The following GALNT13 variants were observed in gnomAD, a reference collection of about 807,000 sequenced individuals.
GALNT13 encodes the protein polypeptide N-acetylgalactosaminyltransferase 13.
In GALNT13, 28 loss-of-function variants were observed where a neutral mutation model predicts 64.2. The observed-to-expected ratio is 0.44, with a 90% CI of 0.32 to 0.60. The LOEUF is 0.60. Ranked by LOEUF, GALNT13 falls within the 20% of genes least tolerant of loss-of-function variation. The probability of loss-of-function intolerance (pLI) is 0.05; values close to 1 mark genes in which losing one functional copy is unlikely to be tolerated. For synonymous variants in GALNT13, 214 were observed against 224.6 expected (o/e 0.95, Z 0.42); for missense variants, 577 against 669.8 (o/e 0.86, Z 1.53).
upstream of GALNT13, among the ~76,000 whole-genome samples, chr2:153,871,010 G>T (rs1685889468): frequency 6.6e-6 from 1 of 152,078 alleles, no homozygotes; most frequent in Non-Finnish European, 1.5e-5. Flanking sequence ...CTCTCCCATG[G>T]CAGTGGGGGA....
At chr2:153,142,978 A>G in the GALNT13 span, among the ~76,000 whole-genome samples, 2 of 151,990 alleles carry the variant, frequency 1.3e-5, no homozygotes, top group South Asian at 4.1e-4. Context: ...ATATACTGCC[A>G]GTTGGTGAAA....
At chr2:153,770,382 G>A in the GALNT13 span, among the ~76,000 whole-genome samples, 1 of 152,114 alleles carries the variant, frequency 6.6e-6, no homozygotes, top group African/African-American at 2.4e-5. Flanking sequence ...CCCTTTCATA[G>A]TGCCTTTTCT....
chr2:154,364,104 G>A (rs1310045788), intron 9 of GALNT13, among the ~76,000 whole-genome samples: 1 of 152,104 alleles, frequency 6.6e-6, no homozygotes, highest in African/African-American at 2.4e-5. Flanking sequence ...AGATACTGTT[G>A]TATTATCCTT....
chr2:154,039,997 CTG>C (rs1273955637), intron 3 of GALNT13, among the ~76,000 whole-genome samples: 2 of 139,494 alleles, frequency 1.4e-5, no homozygotes, highest in Non-Finnish European at 3.3e-5. Flanking sequence ...TGTTGACAAA[CTG>C]TGTTTTTTAA....
intron 10 of GALNT13, among the ~76,000 whole-genome samples, chr2:154,398,943 A>G (rs1699176427): frequency 6.6e-6 from 1 of 152,202 alleles, no homozygotes; most frequent in South Asian, 2.1e-4. Context: ...CAGGGTTAAT[A>G]AGGAAACTGA....
At chr2:153,403,723 CGGAA>C in the GALNT13 span, among the ~76,000 whole-genome samples, 3 of 152,082 alleles carry the variant, frequency 2.0e-5, no homozygotes, top group African/African-American at 7.2e-5. Flanking sequence ...TTTTTTGACT[CGGAA>C]AGGGAACTCC....
intron 8 of GALNT13, among the ~76,000 whole-genome samples, chr2:154,262,378 T>C (rs565052961): frequency 6.6e-6 from 1 of 152,308 alleles, no homozygotes; most frequent in South Asian, 2.1e-4. Flanking sequence ...TCCTCCACAA[T>C]TCTGAGATGC....
chr2:153,460,122 GATCTTT>G, the GALNT13 span, among the ~76,000 whole-genome samples: 3 of 151,966 alleles, frequency 2.0e-5, no homozygotes, highest in East Asian at 5.8e-4. Flanking sequence ...TATTTCTTTG[GATCTTT>G]TTATGATAAC....
At chr2:154,312,283 G>A (rs1187635615) in intron 9 of GALNT13, among the ~76,000 whole-genome samples, 2 of 152,182 alleles carry the variant, frequency 1.3e-5, no homozygotes, top group African/African-American at 4.8e-5. Flanking sequence ...GCTTCAGCCG[G>A]TCCCTCCGTT....
At chr2:153,610,539 A>C in the GALNT13 span, among the ~76,000 whole-genome samples, 1 of 151,904 alleles carries the variant, frequency 6.6e-6, no homozygotes, top group Non-Finnish European at 1.5e-5. Flanking sequence ...GCCAGGCTTC[A>C]TGGCGGGCAC....
chr2:154,000,253 T>C (rs1292364424), intron 3 of GALNT13, among the ~76,000 whole-genome samples: 1 of 151,880 alleles, frequency 6.6e-6, no homozygotes, highest in Non-Finnish European at 1.5e-5. Context: ...TGTTCGTATT[T>C]TCAAAAAATA....
At chr2:153,722,577 A>G in the GALNT13 span, among the ~76,000 whole-genome samples, 1 of 151,660 alleles carries the variant, frequency 6.6e-6, no homozygotes, top group Non-Finnish European at 1.5e-5. Flanking sequence ...TAATAAAGAA[A>G]AAAAGAAGAA....
chr2:154,449,173 A>C (rs1701743321), intron 12 of GALNT13, among the ~76,000 whole-genome samples: 3 of 151,934 alleles, frequency 2.0e-5, no homozygotes, highest in Non-Finnish European at 4.4e-5. Context: ...AAAGAGCAAC[A>C]ACAAAGGTCT....
At chr2:153,171,440 A>C in the GALNT13 span, among the ~76,000 whole-genome samples, 1 of 151,984 alleles carries the variant, frequency 6.6e-6, no homozygotes, top group African/African-American at 2.4e-5. Context: ...TGCAAAAACA[A>C]CTCCACCAAT....
At chr2:153,841,243 AT>A in the GALNT13 span, among the ~76,000 whole-genome samples, 3 of 152,136 alleles carry the variant, frequency 2.0e-5, no homozygotes, top group Non-Finnish European at 4.4e-5. Flanking sequence ...CTCTATAGAA[AT>A]TCATCGTGTT....
the GALNT13 span, among the ~76,000 whole-genome samples, chr2:153,184,273 G>A: frequency 4.6e-5 from 7 of 151,974 alleles, no homozygotes; most frequent in East Asian, 1.4e-3. Context: ...TTCTCGGCTT[G>A]CCTGTTGTTG....
intron 11 of GALNT13, chr2:154,437,434 A>G (rs2105466480): frequency 1.3e-6 from 1 of 746,138 alleles, no homozygotes; most frequent in Middle Eastern, 6.0e-4. Flanking sequence ...AGAAACAAAA[A>G]GACCCTGACA....
intron 3 of GALNT13, among the ~76,000 whole-genome samples, chr2:154,031,125 A>G (rs1340362270): frequency 6.6e-6 from 1 of 152,198 alleles, no homozygotes; most frequent in Non-Finnish European, 1.5e-5. Context: ...GTGACAAAAT[A>G]CTACAGATGT....
At chr2:153,696,081 C>T in the GALNT13 span, among the ~76,000 whole-genome samples, 1 of 152,040 alleles carries the variant, frequency 6.6e-6, no homozygotes, top group African/African-American at 2.4e-5. Flanking sequence ...CCACAATAGG[C>T]CATCTGCAAG....
Sources: allele counts gnomAD v4.1 joint callset (sites outside exome capture counted in the v4.1 genomes callset), GRCh38; gene constraint gnomAD v4.1.1; transcripts MANE v1.5; gene names NCBI Gene and HGNC (gene_info 2026-07-23, HGNC 2026-07-21).